INSYN2B: variants seen among roughly 807,000 people sequenced by gnomAD.
INSYN2B encodes the protein inhibitory synaptic factor family member 2B.
INSYN2B carries 16 observed loss-of-function variants against 41.2 expected under a neutral mutation model. That is an observed-to-expected ratio of 0.39 (90% confidence interval 0.26 to 0.59). The LOEUF is 0.59. INSYN2B is among the 20% of genes least tolerant of loss of function. The pLI, the probability that INSYN2B is intolerant of heterozygous loss-of-function variation, is 0.57. For synonymous variants in INSYN2B, 245 were observed against 244.4 expected (o/e 1.00, Z -0.02); for missense variants, 608 against 646.4 (o/e 0.94, Z 0.64).
At chr5:169,939,109 T>G (rs1776123929) in intron 1 of INSYN2B, among the ~76,000 whole-genome samples, 1 of 152,122 alleles carries the variant, frequency 6.6e-6, no homozygotes, top group African/African-American at 2.4e-5. Flanking sequence ...TTTCACCGCA[T>G]TAGCCAGGAT....
At chr5:169,979,152 C>T (rs1407958580) in intron 1 of INSYN2B, among the ~76,000 whole-genome samples, 2 of 152,142 alleles carry the variant, frequency 1.3e-5, no homozygotes, top group Non-Finnish European at 2.9e-5. Context: ...GGGGTCCCTC[C>T]ACCCCTCTGT....
At chr5:169,867,521 A>G (rs1328411953) in intron 3 of INSYN2B, among the ~76,000 whole-genome samples, 3 of 150,752 alleles carry the variant, frequency 2.0e-5, no homozygotes, top group East Asian at 3.9e-4. Context: ...TTATCTATCT[A>G]TCATCTATCA....
intron 1 of INSYN2B, among the ~76,000 whole-genome samples, chr5:169,901,198 G>A (rs1773902968): frequency 1.3e-5 from 2 of 152,082 alleles, no homozygotes; most frequent in Admixed American, 1.3e-4. Flanking sequence ...ATGAAAAGAG[G>A]GTGTCCAGGC....
At chr5:169,950,308 G>A (rs1776606622) in intron 1 of INSYN2B, among the ~76,000 whole-genome samples, 6 of 152,278 alleles carry the variant, frequency 3.9e-5, no homozygotes, top group African/African-American at 1.4e-4. Context: ...CTTCCTCATA[G>A]GGTTGTTTTA....
chr5:169,979,928 G>A (rs980262872), intron 1 of INSYN2B, among the ~76,000 whole-genome samples: 1 of 152,124 alleles, frequency 6.6e-6, no homozygotes, highest in Admixed American at 6.5e-5. Context: ...CTTTTAAAAT[G>A]AAGAATGGAA....
intron 1 of INSYN2B, among the ~76,000 whole-genome samples, chr5:169,935,274 A>C (rs1161929671): frequency 6.6e-6 from 1 of 152,166 alleles, no homozygotes; most frequent in Admixed American, 6.5e-5. Flanking sequence ...TTTGTACATT[A>C]TCAGATCAAA....
chr5:169,877,568 G>C (rs59182987), intron 3 of INSYN2B, among the ~76,000 whole-genome samples: 3,010 of 152,266 alleles, frequency 0.02, 101 homozygotes, highest in African/African-American at 0.069. Flanking sequence ...TAATTTTGTG[G>C]TGAAATAGGT....
chr5:169,971,821 C>T (rs1230250181), intron 1 of INSYN2B, among the ~76,000 whole-genome samples: 2 of 152,220 alleles, frequency 1.3e-5, no homozygotes, highest in Non-Finnish European at 2.9e-5. Flanking sequence ...CCATATTCTT[C>T]CCCTCTAAAT....
chr5:169,893,966 GA>G (rs35627057), intron 1 of INSYN2B, among the ~76,000 whole-genome samples: 11,764 of 152,232 alleles, frequency 0.077, 625 homozygotes, highest in Non-Finnish European at 0.12. Flanking sequence ...AAGAAATTAT[GA>G]ATAAAATTGG....
intron 3 of INSYN2B, among the ~76,000 whole-genome samples, chr5:169,874,511 C>T (rs775234667): frequency 7.3e-5 from 11 of 150,702 alleles, no homozygotes; most frequent in Non-Finnish European, 1.3e-4. Context: ...CATTTAGCTT[C>T]ATGCATGGTC....
intron 1 of INSYN2B, among the ~76,000 whole-genome samples, chr5:169,914,093 T>C (rs1196683826): frequency 6.6e-6 from 1 of 152,160 alleles, no homozygotes; most frequent in Non-Finnish European, 1.5e-5. Flanking sequence ...ATATGCATGC[T>C]CTGGTCCCTC....
At chr5:169,927,093 G>A (rs891260807) in intron 1 of INSYN2B, among the ~76,000 whole-genome samples, 2 of 152,216 alleles carry the variant, frequency 1.3e-5, no homozygotes, top group Non-Finnish European at 2.9e-5. Flanking sequence ...TACATGAAGA[G>A]TGGGAAGAGC....
At chr5:169,935,746 G>A (rs1362240531) in intron 1 of INSYN2B, among the ~76,000 whole-genome samples, 1 of 152,150 alleles carries the variant, frequency 6.6e-6, no homozygotes, top group Non-Finnish European at 1.5e-5. Context: ...GTCAAGTTGT[G>A]CACAGTACAC....
intron 3 of INSYN2B, among the ~76,000 whole-genome samples, chr5:169,878,051 G>C (rs1325250345): frequency 6.6e-6 from 1 of 152,166 alleles, no homozygotes; most frequent in African/African-American, 2.4e-5. Flanking sequence ...GTCTAGAAAA[G>C]AAATGCGTGA....
chr5:169,879,670 G>A (rs1292193770), intron 3 of INSYN2B, among the ~76,000 whole-genome samples: 2 of 152,200 alleles, frequency 1.3e-5, no homozygotes, highest in Non-Finnish European at 2.9e-5. Flanking sequence ...TCTCAGACAT[G>A]TTGGAAGGTC....
chr5:169,876,809 G>C (rs1382135367), intron 3 of INSYN2B, among the ~76,000 whole-genome samples: 1 of 152,160 alleles, frequency 6.6e-6, no homozygotes, highest in Non-Finnish European at 1.5e-5. Context: ...CTTTACTTCT[G>C]GACAATTTAA....
At chr5:169,924,391 A>G (rs964999331) in intron 1 of INSYN2B, among the ~76,000 whole-genome samples, 7 of 152,244 alleles carry the variant, frequency 4.6e-5, no homozygotes, top group Admixed American at 3.3e-4. Flanking sequence ...GTTTCCTGGT[A>G]TCCAAAGGCC....
At chr5:169,879,353 A>C (rs1422900940) in intron 3 of INSYN2B, among the ~76,000 whole-genome samples, 2 of 152,190 alleles carry the variant, frequency 1.3e-5, no homozygotes, top group Non-Finnish European at 2.9e-5. Flanking sequence ...GTTTGAAGTC[A>C]TTTGAATGTT....
intron 1 of INSYN2B, among the ~76,000 whole-genome samples, chr5:169,898,405 T>G (rs1561805974): frequency 6.6e-6 from 1 of 152,166 alleles, no homozygotes; most frequent in African/African-American, 2.4e-5. Context: ...GGGTTTAAAA[T>G]CCAGCTGTCT....
Sources: allele counts gnomAD v4.1 joint callset (sites outside exome capture counted in the v4.1 genomes callset), GRCh38; gene constraint gnomAD v4.1.1; transcripts MANE v1.5; gene names NCBI Gene and HGNC (gene_info 2026-07-23, HGNC 2026-07-21).